WASF1: variants seen among roughly 807,000 people sequenced by gnomAD.
WASF1 encodes WASP family member 1, also known as actin-binding protein WASF1.
WASF1 carries 7 observed loss-of-function variants against 50.5 expected under a neutral mutation model. The observed-to-expected ratio is 0.14, with a 90% CI of 0.08 to 0.26. The LOEUF (loss-of-function observed/expected upper bound fraction) is 0.26, where lower values mean the gene tolerates loss of function less well. Ranked by LOEUF, WASF1 falls within the 10% of genes least tolerant of loss-of-function variation. The probability of loss-of-function intolerance (pLI) is 1.00; values close to 1 mark genes in which losing one functional copy is unlikely to be tolerated. For synonymous variants in WASF1, 205 were observed against 244.0 expected, an observed-to-expected ratio of 0.84 and a Z score of 1.49; for missense variants, 470 against 694.7, an observed-to-expected ratio of 0.68 and a Z score of 3.64.
intron 2 of WASF1, among the ~76,000 whole-genome samples, chr6:110,166,171 T>C (rs1164072246): frequency 6.6e-6 from 1 of 151,342 alleles, no homozygotes; most frequent in Admixed American, 6.6e-5. Flanking sequence ...TGAATGCTTA[T>C]GAAAAAGAAA....
intron 3 of WASF1, among the ~76,000 whole-genome samples, chr6:110,140,189 T>C (rs1411808854): frequency 1.3e-5 from 2 of 152,292 alleles, no homozygotes; most frequent in African/African-American, 2.4e-5. Flanking sequence ...ATCATGTCTA[T>C]GTAATGAAGC....
chr6:110,132,002 T>C (rs1176985918), intron 3 of WASF1, among the ~76,000 whole-genome samples: 3 of 152,198 alleles, frequency 2.0e-5, no homozygotes, highest in Non-Finnish European at 4.4e-5. Flanking sequence ...GAAGTACTGA[T>C]ATTTATACAT....
At position 110,100,505 on chromosome 6, in the gene WASF1, T is replaced by A. The variant is rs1272801677; in HGVS notation, c.*17A>T. On this transcript the variant is annotated 3_prime_UTR_variant, in exon 11 of 11. Transcript: ENST00000392589. The stretch of plus-strand genomic sequence containing the variant: ...ACATTTGCATTCAGTTTTGTAATAT[T>A]TATCAATGCATTTTTCTTACTCCAA... 6.3e-7 allele frequency: 1 copy of A among 1,593,808 alleles called. No homozygotes were observed. Among genetic ancestry groups the A allele is most frequent in the East Asian group, 2.3e-5 (1 of 44,260 alleles).
At chr6:110,163,992 T>C (rs1776369165) in intron 2 of WASF1, among the ~76,000 whole-genome samples, 1 of 151,590 alleles carries the variant, frequency 6.6e-6, no homozygotes, top group Non-Finnish European at 1.5e-5. Flanking sequence ...GATGCTGGAA[T>C]TGGACGTCCA....
At chr6:110,121,925 A>G (rs1774148747) in intron 4 of WASF1, among the ~76,000 whole-genome samples, 1 of 152,080 alleles carries the variant, frequency 6.6e-6, no homozygotes, top group African/African-American at 2.4e-5. Flanking sequence ...TAAAAAAACT[A>G]TCACAAGGTT....
At chr6:110,110,375 G>A (rs7769215) in intron 5 of WASF1, among the ~76,000 whole-genome samples, 1 of 152,192 alleles carries the variant, frequency 6.6e-6, no homozygotes, top group Admixed American at 6.5e-5. Context: ...CCAGAAGTGG[G>A]TTGTGTTTTC....
intron 4 of WASF1, among the ~76,000 whole-genome samples, chr6:110,119,644 T>G (rs1054300143): frequency 6.6e-6 from 1 of 152,194 alleles, no homozygotes; most frequent in Non-Finnish European, 1.5e-5. Flanking sequence ...CTTCTAAAAC[T>G]ATTTCAATCA....
intron 3 of WASF1, among the ~76,000 whole-genome samples, chr6:110,130,020 G>C (rs1451594206): frequency 6.6e-6 from 1 of 152,204 alleles, no homozygotes; most frequent in African/African-American, 2.4e-5. Flanking sequence ...GGTTACTAAA[G>C]GAGACAATTT....
chr6:110,130,398 TTTC>T, intron 3 of WASF1, among the ~76,000 whole-genome samples: 1 of 152,290 alleles, frequency 6.6e-6, no homozygotes, highest in East Asian at 1.9e-4. Flanking sequence ...TTTCCTTGTT[TTTC>T]TTTTTATTTT....
At chr6:110,112,042 T>G (rs939857059) in intron 5 of WASF1, among the ~76,000 whole-genome samples, 11 of 151,190 alleles carry the variant, frequency 7.3e-5, no homozygotes, top group African/African-American at 2.4e-4. Flanking sequence ...AAATCTAGTA[T>G]GCCAAGTATT....
intron 2 of WASF1, among the ~76,000 whole-genome samples, chr6:110,161,603 GA>G (rs1489064974): frequency 1.3e-5 from 2 of 151,536 alleles, no homozygotes; most frequent in East Asian, 3.9e-4. Context: ...TTTCCCTGAA[GA>G]AAACTGATAG....
chr6:110,100,713 C>T (rs781037986), intron 10 of WASF1, 34 bp from the exon 11 acceptor site: 14 of 1,558,742 alleles, frequency 9.0e-6, no homozygotes, highest in Non-Finnish European at 5.2e-6. Context: ...TCATTTAAAT[C>T]AAAATACTAG....
chr6:110,170,665 T>TAGA (rs1188623375), intron 2 of WASF1, among the ~76,000 whole-genome samples: 2 of 148,288 alleles, frequency 1.3e-5, no homozygotes, highest in African/African-American at 5.0e-5. Context: ...AGAGACAGAG[T>TAGA]AGATTAAAAA....
At chr6:110,165,747 C>G (rs2114611555) in intron 2 of WASF1, among the ~76,000 whole-genome samples, 1 of 151,718 alleles carries the variant, frequency 6.6e-6, no homozygotes, top group African/African-American at 2.4e-5. Context: ...GTCCTTAAAC[C>G]AGCATCAGCA....
In WASF1 at chr6:110,113,359, T is replaced by C; in HGVS notation, c.235A>G (p.Ser79Gly). Residue 79 changes from serine (S) to glycine (G), a missense_variant, in exon 5 of 11, where the codon AGT becomes GGT. By Grantham distance (56) the Ser-to-Gly change is moderately conservative (BLOSUM62 0). Transcript: ENST00000392589. ...TCCTTTGGATCAAGCTGTGTAACAC[T>C]AACAGATAAACGGTCCACACGTTCT... ...LQERVDRLSV[S>G]VTQLDPKEEE... 6.2e-7 allele frequency: 1 copy of C among 1,601,888 alleles called. No homozygotes were observed.
intron 4 of WASF1, among the ~76,000 whole-genome samples, chr6:110,115,497 A>G (rs1175790123): frequency 6.6e-6 from 1 of 152,182 alleles, no homozygotes; most frequent in Non-Finnish European, 1.5e-5. Context: ...CCAGTAAGGG[A>G]ATGTCTTTTA....
intron 2 of WASF1, among the ~76,000 whole-genome samples, chr6:110,162,634 G>A (rs967473650): frequency 6.6e-6 from 1 of 150,768 alleles, no homozygotes; most frequent in Admixed American, 6.6e-5. Flanking sequence ...ATAATTTATC[G>A]TATCAACAGG....
intron 4 of WASF1, among the ~76,000 whole-genome samples, chr6:110,126,376 T>C (rs1193697423): frequency 1.3e-5 from 2 of 152,216 alleles, no homozygotes; most frequent in African/African-American, 4.8e-5. Flanking sequence ...AATAGCCTTT[T>C]ATTTATTCTT....
At chr6:110,141,258 C>T (rs1775221234) in intron 3 of WASF1, among the ~76,000 whole-genome samples, 1 of 152,130 alleles carries the variant, frequency 6.6e-6, no homozygotes, top group Admixed American at 6.6e-5. Flanking sequence ...TAGCCCACCT[C>T]CTCACTTCTA....
Sources: gnomAD v4.1 joint callset for allele counts (sites outside exome capture counted in the v4.1 genomes callset) on GRCh38, gnomAD v4.1.1 for gene constraint, MANE v1.5 for transcripts, NCBI Gene and HGNC (gene_info 2026-07-23, HGNC 2026-07-21) for gene names.